Variants in PDE8B observed in about 807,000 individuals in gnomAD.
PDE8B encodes high affinity cAMP-specific and IBMX-insensitive 3',5'-cyclic phosphodiesterase 8B.
In PDE8B, 26 loss-of-function variants were observed where a neutral mutation model predicts 101.3. The observed-to-expected ratio is 0.26, with a 90% CI of 0.19 to 0.36. The LOEUF (loss-of-function observed/expected upper bound fraction) is 0.36, where lower values mean the gene tolerates loss of function less well. PDE8B is among the 10% of genes least tolerant of loss of function. The probability of loss-of-function intolerance (pLI) is 1.00; values close to 1 mark genes in which losing one functional copy is unlikely to be tolerated. For synonymous variants in PDE8B, 424 were observed against 429.3 expected (o/e 0.99, Z 0.15); for missense variants, 810 against 1,163.1 (o/e 0.70, Z 4.42).
At chr5:77,294,966 C>A (rs1030382094) in intron 1 of PDE8B, among the ~76,000 whole-genome samples, 15 of 151,112 alleles carry the variant, frequency 9.9e-5, no homozygotes, top group African/African-American at 2.4e-4. Flanking sequence ...AGAGAAAAAA[C>A]CAAACCCCGT....
At position 77,290,345 on chromosome 5, in the gene PDE8B, G is replaced by A. The variant is rs541985180; in HGVS notation, c.340-21649G>A. On this transcript the variant is annotated intron_variant, in intron 1 of 21. Transcript: ENST00000264917. ...GGCTCCGAGAGGAAAATGAGGGCGT[G>A]TATAATGGAAGCTGGGGAGGCCGGG... The A allele has an allele frequency of 8.7e-5, 127 of 1,455,274 alleles. 2 individuals are homozygous for A. In the African/African-American group the frequency reaches 1.2e-3, roughly 14 times the overall value. 90.1% of individuals were successfully genotyped at this position (1,455,274 alleles called of 1,614,324 possible).
chr5:77,170,646 C>G, the PDE8B span, among the ~76,000 whole-genome samples: 73 of 152,254 alleles, frequency 4.8e-4, no homozygotes, highest in African/African-American at 1.8e-3. Flanking sequence ...TACATGGCCA[C>G]ATGGTGTTAA....
the PDE8B span, among the ~76,000 whole-genome samples, chr5:77,175,984 C>A: frequency 2.0e-5 from 3 of 152,190 alleles, no homozygotes; most frequent in African/African-American, 7.2e-5. Context: ...TTTGTTTTAA[C>A]CTCATCAGTG....
intron 10 of PDE8B, among the ~76,000 whole-genome samples, chr5:77,367,367 C>T (rs1784335559): frequency 6.6e-6 from 1 of 152,018 alleles, no homozygotes; most frequent in Non-Finnish European, 1.5e-5. Context: ...CAGTGAGTGT[C>T]GTCCCTTGTG....
At chr5:77,404,892 G>A in intron 12 of PDE8B, 95 bp downstream of exon 12, 1 of 780,154 alleles carries the variant, frequency 1.3e-6, no homozygotes, top group Non-Finnish European at 2.3e-6. Flanking sequence ...ACTCCAAAGA[G>A]TAAGAGTTCA....
chr5:77,126,840 T>G, the PDE8B span, among the ~76,000 whole-genome samples: 14 of 152,306 alleles, frequency 9.2e-5, no homozygotes, highest in African/African-American at 3.4e-4. Flanking sequence ...AAAATAAATA[T>G]CTTTAATATT....
At chr5:77,323,965 C>T (rs1775566789) in intron 2 of PDE8B, among the ~76,000 whole-genome samples, 1 of 152,018 alleles carries the variant, frequency 6.6e-6, no homozygotes, top group Admixed American at 6.6e-5. Flanking sequence ...ATCTCAAAAA[C>T]AAACAAACAA....
chr5:77,287,255 A>C (rs1011495663), intron 1 of PDE8B, among the ~76,000 whole-genome samples: 30 of 151,844 alleles, frequency 2.0e-4, no homozygotes, highest in African/African-American at 7.2e-4. Context: ...TTATTATTGA[A>C]GTATATTTTT....
intron 1 of PDE8B, among the ~76,000 whole-genome samples, chr5:77,255,621 G>C (rs558463881): frequency 6.6e-6 from 1 of 152,266 alleles, no homozygotes; most frequent in East Asian, 1.9e-4. Context: ...ACCTGCCTCC[G>C]TGTCTGCCTT....
At chr5:77,363,925 C>T (rs1215647632) in intron 10 of PDE8B, among the ~76,000 whole-genome samples, 1 of 152,128 alleles carries the variant, frequency 6.6e-6, no homozygotes, top group Admixed American at 6.5e-5. Flanking sequence ...ACCCTACCTC[C>T]AGGTGCTTCA....
chr5:77,097,702 T>TAA, the PDE8B span, among the ~76,000 whole-genome samples: 1 of 24,402 alleles, frequency 4.1e-5, no homozygotes, highest in Non-Finnish European at 9.4e-5. Context: ...TCTATATATA[T>TAA]ATATCTATAT....
intron 1 of PDE8B, among the ~76,000 whole-genome samples, chr5:77,248,410 T>A (rs1313749391): frequency 6.6e-6 from 1 of 151,940 alleles, no homozygotes; most frequent in Non-Finnish European, 1.5e-5. Flanking sequence ...CCTTCTATCC[T>A]CAAGAATTAA....
chr5:77,422,260 T>C (rs1208115487), intron 20 of PDE8B, among the ~76,000 whole-genome samples: 1 of 152,182 alleles, frequency 6.6e-6, no homozygotes, highest in Non-Finnish European at 1.5e-5. Flanking sequence ...GATCCAGAAC[T>C]TGCACAAAAA....
At chr5:77,411,098 G>A (rs1794484006) in intron 14 of PDE8B, 1 of 155,588 alleles carries the variant, frequency 6.4e-6, no homozygotes, top group South Asian at 2.0e-4. Flanking sequence ...CATCTCCAAG[G>A]ACCTCAAGCC....
chr5:77,403,271 G>T (rs1288058343), intron 11 of PDE8B, among the ~76,000 whole-genome samples: 4 of 152,078 alleles, frequency 2.6e-5, no homozygotes, highest in Non-Finnish European at 5.9e-5. Context: ...TTAAATGTTT[G>T]CCTGCCCCCA....
the PDE8B span, chr5:77,139,484 T>C: frequency 6.6e-6 from 1 of 152,276 alleles, no homozygotes; most frequent in African/African-American, 2.4e-5. Flanking sequence ...CTTGTCAATC[T>C]AGGAATTCCT....
At chr5:77,285,183 T>C (rs1257900441) in intron 1 of PDE8B, among the ~76,000 whole-genome samples, 4 of 152,234 alleles carry the variant, frequency 2.6e-5, no homozygotes, top group African/African-American at 4.8e-5. Flanking sequence ...TGAAGACAGA[T>C]GCCTGTATAA....
the PDE8B span, among the ~76,000 whole-genome samples, chr5:77,103,661 A>G: frequency 6.6e-6 from 1 of 152,182 alleles, no homozygotes; most frequent in Non-Finnish European, 1.5e-5. Context: ...GCCACTGCCA[A>G]CTGTGTGCAT....
intron 2 of PDE8B, among the ~76,000 whole-genome samples, chr5:77,324,314 G>A (rs903100784): frequency 6.6e-6 from 1 of 152,106 alleles, no homozygotes; most frequent in South Asian, 2.1e-4. Flanking sequence ...TCAGATATTT[G>A]CTGAACATCT....
Sources: gnomAD v4.1 joint callset for allele counts (sites outside exome capture counted in the v4.1 genomes callset) on GRCh38, gnomAD v4.1.1 for gene constraint, MANE v1.5 for transcripts, NCBI Gene and HGNC (gene_info 2026-07-23, HGNC 2026-07-21) for gene names.